GRM1: variants seen among roughly 807,000 people sequenced by gnomAD.
The protein encoded by GRM1 is metabotropic glutamate receptor 1.
A neutral mutation model predicts 90.9 loss-of-function variants in GRM1; 33 were observed. The ratio of observed to expected loss-of-function variants is 0.36; its 90% CI spans 0.28 to 0.49. GRM1 has a LOEUF of 0.49. Among genes scored for constraint, GRM1 ranks in the 20% least tolerant of loss-of-function variants. GRM1 has a pLI of 0.99. For synonymous variants in GRM1, 700 were observed against 613.2 expected, an observed-to-expected ratio of 1.14 and a Z score of -2.09; for missense variants, 1,190 against 1,534.3, an observed-to-expected ratio of 0.78 and a Z score of 3.75.
At chr6:146,431,332 A>G (rs189563291) in intron 7 of GRM1, among the ~76,000 whole-genome samples, 60 of 152,326 alleles carry the variant, frequency 3.9e-4, no homozygotes, top group Middle Eastern at 3.4e-3. Flanking sequence ...TTCTGATTAT[A>G]TCTGTCTGCA....
At chr6:146,326,126 T>C (rs1055672707) in intron 3 of GRM1, among the ~76,000 whole-genome samples, 1 of 152,200 alleles carries the variant, frequency 6.6e-6, no homozygotes, top group Non-Finnish European at 1.5e-5. Flanking sequence ...AAAAGTTAGA[T>C]TGTGTTTGAG....
chr6:146,419,960 A>G (rs538040527), intron 7 of GRM1, among the ~76,000 whole-genome samples: 1 of 152,310 alleles, frequency 6.6e-6, no homozygotes, highest in Admixed American at 6.5e-5. Flanking sequence ...GAATCAATGG[A>G]AGGACCAGAG....
At position 146,349,085 on chromosome 6, in the gene GRM1, G is replaced by A. The variant is rs369378572; in HGVS notation, c.1187-3165G>A. Among the ~76,000 whole-genome samples the A allele has an allele frequency of 3.8e-3, 387 of 101,724 alleles. 5 individuals carry two copies. Among genetic ancestry groups the A allele is most frequent in the African/African-American group, 0.012 (304 of 25,260 alleles). The allele number at this position is 101,724 out of a possible 152,430, so 66.7% of individuals were successfully genotyped here. On this transcript the variant is annotated intron_variant, in intron 3 of 7. Coordinates refer to ENST00000282753, the MANE Select transcript of GRM1 (RefSeq NM_001278064.2). ...TATTATTATTATTATTATTATTATT[G>A]AGACGGAGTCTCGTTTTGTAGCCCA...
At chr6:146,408,395 T>G (rs927273804) in intron 7 of GRM1, among the ~76,000 whole-genome samples, 2 of 152,174 alleles carry the variant, frequency 1.3e-5, no homozygotes, top group African/African-American at 4.8e-5. Flanking sequence ...TTCTATGTGT[T>G]TCAGTTATAA....
chr6:146,265,246 T>G (rs1781835986), intron 2 of GRM1, among the ~76,000 whole-genome samples: 1 of 152,158 alleles, frequency 6.6e-6, no homozygotes, highest in East Asian at 1.9e-4. Flanking sequence ...AAATGGTATG[T>G]TATTGTGGTT....
rs1215898451 is a variant in GRM1, at chr6:146,330,071, A to G, written c.1187-22179A>G. On this transcript the variant is annotated intron_variant, in intron 3 of 7. Transcript: ENST00000282753. ...CAGAGGAAAATAAATGTGTAAAACT[A>G]TAAGTAAGAACCCAGTTGACCAAAT... Among the ~76,000 whole-genome samples, 3 of 152,206 alleles carry G rather than the reference A, an allele frequency of 2.0e-5. No individual in the cohort carries two copies. The East Asian group carries it at 5.8e-4, about 29-fold the overall frequency.
At chr6:146,128,173 T>C (rs1419100074) in intron 1 of GRM1, among the ~76,000 whole-genome samples, 1 of 152,146 alleles carries the variant, frequency 6.6e-6, no homozygotes, top group Non-Finnish European at 1.5e-5. Flanking sequence ...CAGATCACAG[T>C]CACAGACCCA....
chr6:146,352,535 C>T, intron 4 of GRM1, 39 bp downstream of exon 4: 1 of 1,604,998 alleles, frequency 6.2e-7, no homozygotes, highest in Non-Finnish European at 8.5e-7. Flanking sequence ...ACCTTGTGAG[C>T]CTTCCTGTGC....
chr6:146,085,898 T>C (rs1776526597), intron 1 of GRM1, among the ~76,000 whole-genome samples: 1 of 152,160 alleles, frequency 6.6e-6, no homozygotes, highest in Non-Finnish European at 1.5e-5. Flanking sequence ...AATTATACTC[T>C]GATATGACTG....
intron 1 of GRM1, among the ~76,000 whole-genome samples, chr6:146,131,980 C>T (rs751427790): frequency 1.8e-4 from 27 of 152,200 alleles, no homozygotes; most frequent in Non-Finnish European, 2.8e-4. Context: ...CTAGCAAAGC[C>T]AAAGGAAACA....
At chr6:146,081,243 G>T (rs1219220028) in intron 1 of GRM1, among the ~76,000 whole-genome samples, 1 of 152,080 alleles carries the variant, frequency 6.6e-6, no homozygotes, top group African/African-American at 2.4e-5. Flanking sequence ...ATGGGGAAGG[G>T]TATACAGAAC....
At chr6:146,335,895 T>C (rs910286819) in intron 3 of GRM1, among the ~76,000 whole-genome samples, 3 of 152,134 alleles carry the variant, frequency 2.0e-5, no homozygotes, top group Non-Finnish European at 2.9e-5. Flanking sequence ...ATTTTTCCCA[T>C]ATTGTTCTGG....
chr6:146,368,260 T>TGGG (rs200400693), intron 5 of GRM1, among the ~76,000 whole-genome samples: 18 of 115,916 alleles, frequency 1.6e-4, no homozygotes, highest in East Asian at 2.7e-4. Flanking sequence ...AGTTTTTTTT[T>TGGG]GGGGGGGGGG....
In GRM1 at chr6:146,434,921, G is replaced by GCTGCTGCTGCCGCTA. The variant is rs1778549029; in HGVS notation, c.*136_*150dup. ...CTCGTCGGGAGGACAGGAGACCGCT[G>GCTGCTGCTGCCGCTA]CTGCTGCTGCCGCTACTGCTGCTGC... On this transcript the variant is annotated 3_prime_UTR_variant, in exon 8 of 8. Coordinates refer to ENST00000282753, the MANE Select transcript of GRM1 (RefSeq NM_001278064.2). 4 of 813,102 alleles carry GCTGCTGCTGCCGCTA rather than the reference G, an allele frequency of 4.9e-6. No individual in the cohort carries two copies. The East Asian group carries it at 1.0e-4, about 21-fold the overall frequency. The allele number at this position is 813,102 out of a possible 1,614,324, so 50.4% of individuals were successfully genotyped here. A position where few individuals can be genotyped will look rare whatever the true frequency, so the allele number is the denominator to read the frequency against.
At chr6:146,071,680 T>C (rs1411478239) in intron 1 of GRM1, among the ~76,000 whole-genome samples, 4 of 152,076 alleles carry the variant, frequency 2.6e-5, no homozygotes, top group East Asian at 3.9e-4. Flanking sequence ...TCCACACTTA[T>C]TAGGGATGGG....
chr6:146,054,952 G>A (rs1775426964), intron 1 of GRM1, among the ~76,000 whole-genome samples: 1 of 151,918 alleles, frequency 6.6e-6, no homozygotes, highest in African/African-American at 2.4e-5. Flanking sequence ...GATGGGTGCG[G>A]GTAATAATTG....
chr6:146,030,755 C>T (rs896465682), intron 1 of GRM1, among the ~76,000 whole-genome samples: 3 of 152,186 alleles, frequency 2.0e-5, no homozygotes, highest in African/African-American at 7.2e-5. Context: ...ATGCAGTCAT[C>T]TCCCTCAGTA....
At chr6:146,405,559 A>G (rs953431331) in intron 7 of GRM1, among the ~76,000 whole-genome samples, 1 of 152,190 alleles carries the variant, frequency 6.6e-6, no homozygotes, top group Non-Finnish European at 1.5e-5. Context: ...GGATGCCAAC[A>G]TGGTTTGTTT....
chr6:146,201,632 C>G (rs1017913472), intron 2 of GRM1, among the ~76,000 whole-genome samples: 1 of 152,176 alleles, frequency 6.6e-6, no homozygotes, highest in African/African-American at 2.4e-5. Flanking sequence ...CTCCAAATTC[C>G]ATCACATTGG....
Sources: gnomAD v4.1 joint callset for allele counts (sites outside exome capture counted in the v4.1 genomes callset) on GRCh38, gnomAD v4.1.1 for gene constraint, MANE v1.5 for transcripts, NCBI Gene and HGNC (gene_info 2026-07-23, HGNC 2026-07-21) for gene names.